HECW1: variants seen among roughly 807,000 people sequenced by gnomAD.
The protein encoded by HECW1 is E3 ubiquitin-protein ligase HECW1.
In HECW1, 61 loss-of-function variants were observed where a neutral mutation model predicts 182.3. The observed-to-expected ratio is 0.33, with a 90% CI of 0.27 to 0.41. HECW1 has a LOEUF of 0.41. Ranked by LOEUF, HECW1 falls within the 10% of genes least tolerant of loss-of-function variation. The pLI is 1.00. For synonymous variants in HECW1, 859 were observed against 832.6 expected, an observed-to-expected ratio of 1.03 and a Z score of -0.55; for missense variants, 1,739 against 2,108.9, an observed-to-expected ratio of 0.82 and a Z score of 3.44.
chr7:43,544,577 A>C (rs1374489191), intron 26 of HECW1, among the ~76,000 whole-genome samples: 4 of 125,900 alleles, frequency 3.2e-5, no homozygotes, highest in African/African-American at 1.2e-4. Flanking sequence ...TTTAAATCAC[A>C]TGCCTTTGAC....
At chr7:43,174,989 A>G (rs1042613219) in intron 2 of HECW1, among the ~76,000 whole-genome samples, 1 of 152,208 alleles carries the variant, frequency 6.6e-6, no homozygotes, top group Non-Finnish European at 1.5e-5. Context: ...TAAAACAAAC[A>G]CATCTCCCAA....
intron 14 of HECW1, among the ~76,000 whole-genome samples, chr7:43,465,687 T>C (rs923546553): frequency 1.3e-5 from 2 of 152,162 alleles, no homozygotes; most frequent in African/African-American, 4.8e-5. Context: ...TGGTCCTTTC[T>C]GCAAACAATC....
chr7:43,308,360 A>ATATG (rs1808057817), intron 3 of HECW1, among the ~76,000 whole-genome samples: 4 of 104,488 alleles, frequency 3.8e-5, no homozygotes, highest in East Asian at 3.3e-4. Context: ...ATTTATATAT[A>ATATG]ATATAACATA....
intron 11 of HECW1, among the ~76,000 whole-genome samples, chr7:43,448,569 A>G (rs1477188355): frequency 6.6e-6 from 1 of 152,184 alleles, no homozygotes; most frequent in Admixed American, 6.5e-5. Flanking sequence ...TGATACTACA[A>G]AAGCACTCTG....
intron 2 of HECW1, among the ~76,000 whole-genome samples, chr7:43,211,025 G>A (rs1795964688): frequency 6.6e-6 from 1 of 152,208 alleles, no homozygotes; most frequent in Non-Finnish European, 1.5e-5. Context: ...CCCGGTCATT[G>A]TATTGTCCCT....
At chr7:43,533,344 C>T (rs2081064132) in intron 24 of HECW1, among the ~76,000 whole-genome samples, 1 of 152,156 alleles carries the variant, frequency 6.6e-6, no homozygotes, top group Admixed American at 6.5e-5. Context: ...AGATAGAAAA[C>T]ATGACTGCTA....
At chr7:43,318,739 G>GCA (rs1809658030) in intron 4 of HECW1, among the ~76,000 whole-genome samples, 1 of 152,254 alleles carries the variant, frequency 6.6e-6, no homozygotes, top group Non-Finnish European at 1.5e-5. Context: ...GATGCAGCAT[G>GCA]TGAACTGCAG....
At chr7:43,188,608 C>T (rs1280690972) in intron 2 of HECW1, among the ~76,000 whole-genome samples, 1 of 152,174 alleles carries the variant, frequency 6.6e-6, no homozygotes, top group East Asian at 1.9e-4. Flanking sequence ...TCCTTGCTGG[C>T]TCATAGCTGA....
chr7:43,451,778 T>A (rs1009280687), intron 12 of HECW1, among the ~76,000 whole-genome samples: 1 of 152,150 alleles, frequency 6.6e-6, no homozygotes, highest in Non-Finnish European at 1.5e-5. Flanking sequence ...AACATCTCTG[T>A]TTTGGTTTTG....
intron 2 of HECW1, among the ~76,000 whole-genome samples, chr7:43,190,311 A>C (rs998608562): frequency 6.6e-6 from 1 of 152,032 alleles, no homozygotes; most frequent in South Asian, 2.1e-4. Flanking sequence ...ATGGGGTTTT[A>C]CCATGTTGGT....
intron 2 of HECW1, among the ~76,000 whole-genome samples, chr7:43,173,588 A>G (rs2152669317): frequency 6.6e-6 from 1 of 152,226 alleles, no homozygotes; most frequent in African/African-American, 2.4e-5. Flanking sequence ...GGAGCATGCA[A>G]CCTAGATCCC....
chr7:43,244,181 C>T (rs549185967), intron 3 of HECW1, among the ~76,000 whole-genome samples: 4 of 152,262 alleles, frequency 2.6e-5, no homozygotes, highest in South Asian at 2.1e-4. Flanking sequence ...GTGATGTGAA[C>T]GTACAGTTGT....
At chr7:43,560,903 G>A (rs80077495) in intron 29 of HECW1, among the ~76,000 whole-genome samples, 2,824 of 152,274 alleles carry the variant, frequency 0.019, 95 homozygotes, top group African/African-American at 0.065. Context: ...ACCACCCTTA[G>A]GGAGGAAAAG....
intron 5 of HECW1, among the ~76,000 whole-genome samples, chr7:43,349,778 A>T (rs1177868431): frequency 6.6e-6 from 1 of 152,148 alleles, no homozygotes; most frequent in Non-Finnish European, 1.5e-5. Flanking sequence ...GGCAGCAGAT[A>T]GTTGGTTGGT....
intron 29 of HECW1, among the ~76,000 whole-genome samples, chr7:43,555,188 C>G (rs1055992414): frequency 6.6e-6 from 1 of 152,190 alleles, no homozygotes; most frequent in African/African-American, 2.4e-5. Flanking sequence ...TCACTTGATA[C>G]TTCATAGGAT....
At chr7:43,501,579 C>T (rs912578537) in intron 21 of HECW1, among the ~76,000 whole-genome samples, 1 of 152,024 alleles carries the variant, frequency 6.6e-6, no homozygotes, top group African/African-American at 2.4e-5. Context: ...CTTATAATCC[C>T]AGGGCTTTGG....
intron 3 of HECW1, among the ~76,000 whole-genome samples, chr7:43,268,325 AG>A (rs1413979571): frequency 6.6e-6 from 1 of 152,202 alleles, no homozygotes; most frequent in Non-Finnish European, 1.5e-5. Context: ...GGCTCAGTGG[AG>A]AAGGGCTGTA....
intron 8 of HECW1, among the ~76,000 whole-genome samples, chr7:43,421,752 A>G (rs1179083368): frequency 6.6e-6 from 1 of 152,216 alleles, no homozygotes; most frequent in East Asian, 1.9e-4. Context: ...CCAGTGTGCA[A>G]TGGTATGGCC....
At chr7:43,183,636 A>AT (rs1231404365) in intron 2 of HECW1, among the ~76,000 whole-genome samples, 1 of 152,152 alleles carries the variant, frequency 6.6e-6, no homozygotes, top group African/African-American at 2.4e-5. Flanking sequence ...AAGTCAATTG[A>AT]TTTTCATACA....
Sources: allele counts gnomAD v4.1 joint callset (sites outside exome capture counted in the v4.1 genomes callset), GRCh38; gene constraint gnomAD v4.1.1; transcripts MANE v1.5; gene names NCBI Gene and HGNC (gene_info 2026-07-23, HGNC 2026-07-21).